FBLN1: variants seen among roughly 807,000 people sequenced by gnomAD.
The protein encoded by FBLN1 is fibulin-1.
FBLN1 carries 34 observed loss-of-function variants against 89.7 expected under a neutral mutation model. The observed-to-expected ratio is 0.38, with a 90% confidence interval of 0.29 to 0.50. The LOEUF (loss-of-function observed/expected upper bound fraction) is 0.50. Ranked by LOEUF, FBLN1 falls within the 20% of genes least tolerant of loss-of-function variation. FBLN1 has a pLI of 0.92. For missense variants in FBLN1, 777 were observed against 988.1 expected (o/e 0.79, Z 2.86); for synonymous variants, 393 against 391.3 (o/e 1.00, Z -0.05).
intron 1 of FBLN1, among the ~76,000 whole-genome samples, chr22:45,505,283 A>G (rs1209471040): frequency 6.6e-6 from 1 of 152,138 alleles, no homozygotes; most frequent in African/African-American, 2.4e-5. Flanking sequence ...AGCGTTTCCG[A>G]CTGATTAAAA....
chr22:45,504,132 C>T (rs1172869274), intron 1 of FBLN1, among the ~76,000 whole-genome samples: 3 of 151,796 alleles, frequency 2.0e-5, no homozygotes, highest in African/African-American at 7.3e-5. Flanking sequence ...TCCTTTTAAC[C>T]TCTGGTGACC....
chr22:45,508,413 C>T (rs779610316), intron 1 of FBLN1, among the ~76,000 whole-genome samples: 8 of 151,774 alleles, frequency 5.3e-5, no homozygotes, highest in Non-Finnish European at 1.0e-4. Flanking sequence ...AGGTGCCCGC[C>T]ACCACGCCTG....
intron 14 of FBLN1, among the ~76,000 whole-genome samples, chr22:45,559,318 A>G (rs1397835688): frequency 6.6e-6 from 1 of 152,260 alleles, no homozygotes; most frequent in Admixed American, 6.5e-5. Context: ...TCTTCTGCAC[A>G]GGCCAAATGG....
At chr22:45,546,978 A>G in intron 11 of FBLN1, 107 bp from the exon 12 acceptor site, 4 of 1,559,006 alleles carry the variant, frequency 2.6e-6, no homozygotes, top group Non-Finnish European at 2.6e-6. Flanking sequence ...CGAGTGTGTT[A>G]ACCTGAGGGA....
At chr22:45,567,252 A>G (rs1321373188) in intron 14 of FBLN1, among the ~76,000 whole-genome samples, 2 of 152,242 alleles carry the variant, frequency 1.3e-5, no homozygotes, top group Admixed American at 1.3e-4. Flanking sequence ...TCAAAACAGG[A>G]TATCTTATTA....
Position 45,574,932 on chromosome 22 carries a change from C to T in FBLN1, c.1840+279C>T, listed in dbSNP as rs2088982957. ...GAGTAGCTGGGACTACAGGCGCCCG[C>T]CACCACGCCTGGCTAATCTTTTTGT... On this transcript the variant is annotated intron_variant, in intron 15 of 16. Transcript: ENST00000327858. This position sits in a 1 kb window ranked among gnomAD's most constrained non-coding sequence, Gnocchi z 4.1. 6.6e-6 allele frequency among the ~76,000 whole-genome samples: 1 copy of T among 152,100 alleles called. No homozygotes were observed. The highest frequency in any genetic ancestry group is 6.5e-5 in the Admixed American group (1 of 15,282).
intron 1 of FBLN1, among the ~76,000 whole-genome samples, chr22:45,516,171 C>T (rs1308792278): frequency 2.0e-5 from 3 of 151,854 alleles, no homozygotes; most frequent in Admixed American, 1.3e-4. Flanking sequence ...GGATAGGAGA[C>T]GGGCTGTGGA....
chr22:45,555,086 G>A (rs952750838), intron 14 of FBLN1, among the ~76,000 whole-genome samples: 3 of 146,336 alleles, frequency 2.1e-5, no homozygotes, highest in Non-Finnish European at 4.6e-5. Flanking sequence ...ACCCGTCCCC[G>A]TCTCCACCGC....
In FBLN1 at chr22:45,590,265, A is replaced by G. The variant is rs1439181861; in HGVS notation, c.1973-10042A>G. Among the ~76,000 whole-genome samples the G allele has an allele frequency of 6.6e-6, 1 of 152,218 alleles. No individual in the cohort carries two copies. The highest frequency in any genetic ancestry group is 2.4e-5 in the African/African-American group (1 of 41,456). On this transcript the variant is annotated intron_variant, in intron 16 of 16. Coordinates refer to ENST00000327858, the MANE Select transcript of FBLN1 (RefSeq NM_006486.3). The surrounding 1 kb of genome is among the most constrained non-coding windows in gnomAD (Gnocchi z 4.1). ...CCAGACCTTCATTGCATCTGTAGAA[A>G]GAGGCAGAGTAGCCTTCACTCCGGA...
rs1209261433 is a variant in FBLN1, at chr22:45,576,970, T to C, written c.1841-7T>C. On this transcript the variant is annotated splice_polypyrimidine_tract_variant and splice_region_variant and intron_variant, in intron 15 of 16. Coordinates refer to ENST00000327858, the MANE Select transcript of FBLN1 (RefSeq NM_006486.3). This position sits in a 1 kb window ranked among gnomAD's most constrained non-coding sequence, Gnocchi z 5.2. ...GCTGAGCCCTTCTCCATTCTGTGCC[T>C]CTGCAGAGATCATCTTCCTCCGGGC... 6.2e-7 allele frequency: 1 copy of C among 1,613,752 alleles called. No individual in the cohort carries two copies. The highest frequency in any genetic ancestry group is 8.5e-7 in the Non-Finnish European group (1 of 1,180,028).
rs59120563 is a variant in FBLN1, at chr22:45,594,731, T to TGG, written c.1973-5576_1973-5575insGG. Among the ~76,000 whole-genome samples the TGG allele has an allele frequency of 5.2e-3, 678 of 129,566 alleles. 4 individuals carry two copies. The highest frequency in any genetic ancestry group is 0.017 in the African/African-American group (651 of 38,704). The allele number at this position is 129,566 out of a possible 152,430, so 85.0% of individuals were successfully genotyped here. The stretch of plus-strand genomic sequence containing the variant: ...ATGGATGGATGGATGGATGGATGGA[T>TGG]AGATGGATGGGTGAGTGGATAGATG... On this transcript the variant is annotated intron_variant, in intron 16 of 16. Transcript: ENST00000327858.
At chr22:45,548,820 T>C in intron 13 of FBLN1, 76 bp downstream of exon 13, 1 of 1,589,434 alleles carries the variant, frequency 6.3e-7, no homozygotes, top group Non-Finnish European at 8.5e-7. Context: ...GAGGCTGGGC[T>C]CGGGGGCTGT....
chr22:45,543,277 A>T, intron 10 of FBLN1, 124 bp from the exon 11 acceptor site: 1 of 1,232,364 alleles, frequency 8.1e-7, no homozygotes, highest in Non-Finnish European at 1.2e-6. Context: ...AAGATGAAGG[A>T]AAAAAAAGAA....
At chr22:45,527,655 T>G (rs918489891) in intron 3 of FBLN1, among the ~76,000 whole-genome samples, 192 bp from the exon 4 acceptor site, 2 of 152,000 alleles carry the variant, frequency 1.3e-5, no homozygotes, top group African/African-American at 4.8e-5. Context: ...CCTAGATGAT[T>G]TGGAGTAGGG....
rs1002928270 is a variant in FBLN1 at position 45,578,748 on chromosome 22, C to T, written c.1972+1640C>T. Among the ~76,000 whole-genome samples, 3 of 152,260 alleles carry T rather than the reference C, an allele frequency of 2.0e-5. No homozygotes were observed. The highest frequency in any genetic ancestry group is 7.2e-5 in the African/African-American group (3 of 41,468). ...GCTGGGCCTGCAGTTGTGGCTGGGA[C>T]ATGGCCCTCAGGTGATTTCTAGATC... is the stretch of plus-strand genomic sequence containing the variant. On this transcript the variant is annotated intron_variant, in intron 16 of 16. Transcript: ENST00000327858. The surrounding 1 kb of genome is among the most constrained non-coding windows in gnomAD (Gnocchi z 4.6).
Position 45,572,632 on chromosome 22 carries a change from G to A in FBLN1, c.1698-1879G>A, listed in dbSNP as rs1475966598. ...AGTGAAGTGGTAGAACCAGACTATC[G>A]GCATTTTGCAATCCTTGATGAATCA... On this transcript the variant is annotated intron_variant, in intron 14 of 16. Transcript: ENST00000327858. The surrounding 1 kb of genome is among the most constrained non-coding windows in gnomAD (Gnocchi z 5.8). Among the ~76,000 whole-genome samples, 3 of 152,230 alleles carry A rather than the reference G, an allele frequency of 2.0e-5. No individual in the cohort carries two copies. Among genetic ancestry groups the A allele is most frequent in the Non-Finnish European group, 2.9e-5 (2 of 68,040 alleles).
rs557661066 is a variant in FBLN1, at chr22:45,550,447, C to T, written c.1574-45C>T. 2 of 1,613,106 alleles carry T rather than the reference C, an allele frequency of 1.2e-6. No individual in the cohort carries two copies. Among genetic ancestry groups the T allele is most frequent in the East Asian group, 2.2e-5 (1 of 44,884 alleles). ...CCTCCGTCTCCAGATGGGTATGGCT[C>T]CTGCAGCCTCTGCCTTCACTGTGCT... is the stretch of plus-strand genomic sequence containing the variant. On this transcript the variant is annotated intron_variant, in intron 13 of 16. Transcript: ENST00000327858. This position sits in a 1 kb window ranked among gnomAD's most constrained non-coding sequence, Gnocchi z 8.4.
intron 14 of FBLN1, among the ~76,000 whole-genome samples, chr22:45,552,274 G>T (rs552488416): frequency 6.6e-6 from 1 of 152,336 alleles, no homozygotes; most frequent in South Asian, 2.1e-4. Context: ...GAGGTGGAAG[G>T]GGGAGCGAAT....
chr22:45,569,392 G>A (rs1439080187), intron 14 of FBLN1, among the ~76,000 whole-genome samples: 1 of 152,196 alleles, frequency 6.6e-6, no homozygotes, highest in African/African-American at 2.4e-5. Context: ...TGTAATCCCA[G>A]CACTTTGGGA....
Sources: allele counts gnomAD v4.1 joint callset (sites outside exome capture counted in the v4.1 genomes callset), GRCh38; gene constraint gnomAD v4.1.1; non-coding constraint Gnocchi (gnomAD v3.1); transcripts MANE v1.5; gene names NCBI Gene and HGNC (gene_info 2026-07-23, HGNC 2026-07-21).